Variants in CNBD1 observed in about 807,000 individuals in gnomAD.
CNBD1 encodes cyclic nucleotide-binding domain-containing protein 1.
In CNBD1, 71 loss-of-function variants were observed where a neutral mutation model predicts 54.4. That is an observed-to-expected ratio of 1.30 (90% confidence interval 1.08 to 1.59). The LOEUF is 1.59. CNBD1 is among the 40% of genes most tolerant of loss of function. CNBD1 has a pLI of 0.00. For synonymous variants in CNBD1, 182 were observed against 170.7 expected (o/e 1.07, Z -0.51); for missense variants, 659 against 518.0 (o/e 1.27, Z -2.64).
At chr8:87,378,467 T>G (rs1430923299) in intron 10 of CNBD1, among the ~76,000 whole-genome samples, 1 of 151,156 alleles carries the variant, frequency 6.6e-6, no homozygotes, top group East Asian at 1.9e-4. Context: ...TAGTTGTAGA[T>G]ATGTGGCATT....
intron 4 of CNBD1, among the ~76,000 whole-genome samples, chr8:86,978,411 ATTT>A (rs1225873256): frequency 6.6e-6 from 1 of 152,032 alleles, no homozygotes; most frequent in African/African-American, 2.4e-5. Context: ...GTCTGAAAAA[ATTT>A]TTGTCTCTAA....
chr8:87,244,333 T>G (rs951304951), intron 6 of CNBD1, among the ~76,000 whole-genome samples: 4 of 152,158 alleles, frequency 2.6e-5, no homozygotes, highest in African/African-American at 9.6e-5. Flanking sequence ...TTGAATAGAA[T>G]AGGAGGCAGG....
intron 6 of CNBD1, among the ~76,000 whole-genome samples, chr8:87,270,779 A>T (rs1003712559): frequency 6.6e-6 from 1 of 151,710 alleles, no homozygotes; most frequent in Admixed American, 6.6e-5. Context: ...ATGAGTTTGT[A>T]AGTATTCCCT....
intron 8 of CNBD1, among the ~76,000 whole-genome samples, chr8:87,332,871 C>T (rs997577179): frequency 3.9e-5 from 6 of 152,056 alleles, no homozygotes; most frequent in African/African-American, 1.5e-4. Flanking sequence ...TTTTTGGTTC[C>T]ATATGAATTT....
At chr8:86,917,430 G>A (rs1809204772) in intron 3 of CNBD1, among the ~76,000 whole-genome samples, 1 of 152,170 alleles carries the variant, frequency 6.6e-6, no homozygotes. Flanking sequence ...GTACAGAACT[G>A]GTGGAGACAG....
intron 4 of CNBD1, among the ~76,000 whole-genome samples, chr8:87,094,196 C>T (rs550314305): frequency 6.6e-6 from 1 of 152,162 alleles, no homozygotes; most frequent in African/African-American, 2.4e-5. Flanking sequence ...TTGCGCACAA[C>T]GCTCACTTTA....
At chr8:87,373,625 G>A (rs1810865253) in intron 10 of CNBD1, among the ~76,000 whole-genome samples, 1 of 151,766 alleles carries the variant, frequency 6.6e-6, no homozygotes, top group Admixed American at 6.6e-5. Flanking sequence ...TGCTCCAAAA[G>A]TCTAATTGTC....
chr8:87,371,938 C>A (rs559903662), intron 10 of CNBD1, among the ~76,000 whole-genome samples: 1 of 151,122 alleles, frequency 6.6e-6, no homozygotes, highest in African/African-American at 2.5e-5. Context: ...AAGACAGGGA[C>A]GCCCTCTCTC....
chr8:86,945,920 T>C (rs899954215), intron 4 of CNBD1, among the ~76,000 whole-genome samples: 5 of 152,234 alleles, frequency 3.3e-5, no homozygotes, highest in African/African-American at 9.6e-5. Context: ...GATGTACATG[T>C]TGCAAAATGC....
intron 8 of CNBD1, among the ~76,000 whole-genome samples, chr8:87,341,584 A>G (rs116118307): frequency 0.024 from 3,662 of 152,254 alleles, 144 homozygotes; most frequent in African/African-American, 0.081. Flanking sequence ...TAAGAGGTGG[A>G]ATGTTTAAGA....
intron 5 of CNBD1, among the ~76,000 whole-genome samples, chr8:87,230,182 G>A (rs1263010034): frequency 2.0e-5 from 3 of 152,128 alleles, no homozygotes; most frequent in Non-Finnish European, 4.4e-5. Flanking sequence ...TCTATCACTA[G>A]AACAGCATCG....
At chr8:87,123,195 T>C (rs537970729) in intron 4 of CNBD1, among the ~76,000 whole-genome samples, 6 of 151,932 alleles carry the variant, frequency 3.9e-5, no homozygotes, top group Admixed American at 6.6e-5. Flanking sequence ...AATATTCCAC[T>C]CAACAGTAGC....
chr8:87,377,063 ATTTC>A (rs958394676), intron 10 of CNBD1, among the ~76,000 whole-genome samples: 34 of 128,848 alleles, frequency 2.6e-4, no homozygotes, highest in African/African-American at 8.7e-4. Flanking sequence ...TTTTATTTTT[ATTTC>A]TTTATTTTAT....
intron 3 of CNBD1, among the ~76,000 whole-genome samples, chr8:86,923,097 G>A (rs1024381313): frequency 1.2e-4 from 18 of 152,128 alleles, no homozygotes; most frequent in African/African-American, 4.3e-4. Context: ...ACACAAATAA[G>A]GTAACAAAGG....
In CNBD1 at chr8:87,410,714, C is replaced by G. The variant is rs190313858; in HGVS notation, c.214-17832C>G. ...CTACTGTGGGTAAAATGCCATCAAA[C>G]AGCATTGCTGCTACAGAGGAATCTT... On this transcript the variant is annotated intron_variant, in intron 2 of 7. Coordinates refer to the CNBD1 transcript ENST00000521593. Among the ~76,000 whole-genome samples the G allele has an allele frequency of 2.8e-4, 43 of 152,244 alleles. No individual in the cohort carries two copies. The East Asian group carries it at 7.9e-3, about 28-fold the overall frequency.
chr8:87,303,474 A>T (rs1423095140), intron 8 of CNBD1, among the ~76,000 whole-genome samples: 1 of 151,960 alleles, frequency 6.6e-6, no homozygotes, highest in Non-Finnish European at 1.5e-5. Context: ...TACACCTTAT[A>T]CAAAAATTAA....
intron 4 of CNBD1, among the ~76,000 whole-genome samples, chr8:86,973,801 T>C (rs183764274): frequency 2.6e-5 from 4 of 152,250 alleles, no homozygotes; most frequent in African/African-American, 7.2e-5. Context: ...TCCAGTAGCA[T>C]TGAAACAGGA....
intron 4 of CNBD1, among the ~76,000 whole-genome samples, chr8:87,040,836 A>G (rs946209484): frequency 6.6e-6 from 1 of 151,348 alleles, no homozygotes; most frequent in Non-Finnish European, 1.5e-5. Context: ...AATAAATATA[A>G]TAAAGCTTTT....
intron 10 of CNBD1, among the ~76,000 whole-genome samples, chr8:87,366,449 C>G (rs1245817018): frequency 6.6e-6 from 1 of 152,002 alleles, no homozygotes; most frequent in Non-Finnish European, 1.5e-5. Flanking sequence ...CTTCTGCTGA[C>G]CCTCTCTCTC....
Sources: gnomAD v4.1 joint callset for allele counts (sites outside exome capture counted in the v4.1 genomes callset) on GRCh38, gnomAD v4.1.1 for gene constraint, MANE v1.5 for transcripts, NCBI Gene and HGNC (gene_info 2026-07-23, HGNC 2026-07-21) for gene names.